The following CACNA1A variants were observed in gnomAD, a reference collection of about 807,000 sequenced individuals.
CACNA1A encodes the protein calcium voltage-gated channel subunit alpha1 A, also known as voltage-dependent P/Q-type calcium channel subunit alpha-1A.
CACNA1A carries 57 observed loss-of-function variants against 262.4 expected under a neutral mutation model. The observed-to-expected ratio is 0.22, with a 90% CI of 0.18 to 0.27. The LOEUF (loss-of-function observed/expected upper bound fraction) is 0.27, where lower values mean the gene tolerates loss of function less well. CACNA1A is among the 10% of genes least tolerant of loss of function. The pLI is 1.00. For missense variants in CACNA1A, 2,526 were observed against 3,562.8 expected (o/e 0.71, Z 7.41); for synonymous variants, 1,431 against 1,419.3 (o/e 1.01, Z -0.18).
intron 6 of CACNA1A, among the ~76,000 whole-genome samples, chr19:13,352,561 T>G (rs1046749897): frequency 6.6e-5 from 10 of 152,194 alleles, no homozygotes; most frequent in African/African-American, 2.2e-4. Context: ...TATTTGTACC[T>G]TTGAGATCAT....
chr19:13,439,108 A>ATTTT (rs939229748), intron 3 of CACNA1A, among the ~76,000 whole-genome samples: 1 of 137,208 alleles, frequency 7.3e-6, no homozygotes, highest in Non-Finnish European at 1.6e-5. Flanking sequence ...TTGTCCTCAA[A>ATTTT]TTTTTTTTTT....
At chr19:13,344,740 A>AT (rs1229280733) in intron 6 of CACNA1A, among the ~76,000 whole-genome samples, 6 of 8,780 alleles carry the variant, frequency 6.8e-4, no homozygotes, top group East Asian at 0.012. Context: ...CATTTATTTT[A>AT]TTTATTTATT....
intron 3 of CACNA1A, among the ~76,000 whole-genome samples, chr19:13,406,465 TTATA>T (rs61273249): frequency 0.06 from 1,872 of 31,364 alleles, 64 homozygotes; most frequent in Admixed American, 0.064. Context: ...AAAAAAAAAA[TTATA>T]TATATATATA....
chr19:13,342,969 G>A (rs2058700986), intron 6 of CACNA1A, among the ~76,000 whole-genome samples: 1 of 152,122 alleles, frequency 6.6e-6, no homozygotes. Flanking sequence ...TGCCCAGGCT[G>A]GTCTCGAACT....
chr19:13,408,174 A>G (rs1206734971), intron 3 of CACNA1A, among the ~76,000 whole-genome samples: 3 of 152,122 alleles, frequency 2.0e-5, no homozygotes, highest in African/African-American at 7.2e-5. Context: ...AAACGAATAC[A>G]CTGGGCAACA....
intron 3 of CACNA1A, among the ~76,000 whole-genome samples, chr19:13,389,192 C>T (rs989195779): frequency 2.0e-5 from 3 of 152,174 alleles, no homozygotes; most frequent in African/African-American, 2.4e-5. Flanking sequence ...CATGAGCCAC[C>T]GTGCCCGGCA....
intron 19 of CACNA1A, among the ~76,000 whole-genome samples, chr19:13,288,242 C>CTT (rs200201920): frequency 2.9e-4 from 39 of 134,224 alleles, no homozygotes; most frequent in African/African-American, 8.4e-4. Context: ...TTTCTTTTTT[C>CTT]TTTTTTTTTT....
chr19:13,323,617 G>A (rs1462798757), intron 10 of CACNA1A, among the ~76,000 whole-genome samples: 1 of 151,974 alleles, frequency 6.6e-6, no homozygotes, highest in African/African-American at 2.4e-5. Context: ...TTTTAATTGG[G>A]TTGTTTTCTT....
chr19:13,268,457 G>A (rs1289879351), intron 24 of CACNA1A, among the ~76,000 whole-genome samples: 1 of 148,964 alleles, frequency 6.7e-6, no homozygotes, highest in African/African-American at 2.5e-5. Flanking sequence ...TTTTTGAAAC[G>A]GAGTCTCGCT....
chr19:13,425,945 C>T (rs2060395174), intron 3 of CACNA1A, among the ~76,000 whole-genome samples: 1 of 152,184 alleles, frequency 6.6e-6, no homozygotes, highest in African/African-American at 2.4e-5. Context: ...GTAATCCCAG[C>T]TACTCAGGAG....
At chr19:13,232,320 C>T (rs2055695353) in intron 34 of CACNA1A, among the ~76,000 whole-genome samples, 1 of 151,804 alleles carries the variant, frequency 6.6e-6, no homozygotes, top group South Asian at 2.1e-4. Flanking sequence ...CCTCGGCCTC[C>T]TGAGTAGCTG....
intron 2 of CACNA1A, 35 bp from the exon 3 acceptor site, chr19:13,453,050 G>C (rs1353686282): frequency 6.2e-7 from 1 of 1,612,680 alleles, no homozygotes; most frequent in Non-Finnish European, 8.5e-7. Context: ...AGCGTCTTGG[G>C]CTGGGCAGAT....
At chr19:13,312,560 GTC>G in intron 12 of CACNA1A, 107 bp downstream of exon 12, 1 of 658,856 alleles carries the variant, frequency 1.5e-6, no homozygotes, top group Non-Finnish European at 2.6e-6. Context: ...ATCCATCTGA[GTC>G]TCTCATATTC....
chr19:13,270,097 A>G (rs1454489845), intron 24 of CACNA1A, among the ~76,000 whole-genome samples: 2 of 152,052 alleles, frequency 1.3e-5, no homozygotes, highest in East Asian at 3.9e-4. Flanking sequence ...GAGCCTCCGT[A>G]TTCAGGGCTG....
rs1568481302 is a variant in CACNA1A at position 13,271,211 on chromosome 19, G to GTTT, written c.3989+4638_3989+4639insAAA. The GTTT allele has an allele frequency of 1.7e-4, 18 of 106,264 alleles. 1 individual carries two copies. The highest frequency in any genetic ancestry group is 5.9e-4 in the African/African-American group (16 of 27,024). 6.6% of individuals were successfully genotyped at this position (106,264 alleles called of 1,614,324 possible). ...GTCAACTCCCCAAAAGAATCATTCTGCTGTTTTTTTTTTTTTTTTTTTTTT... is the reference window on the plus strand; with the variant it reads ...GTCAACTCCCCAAAAGAATCATTCTGTTTCTGTTTTTTTTTTTTTTTTTTTTTT... On this transcript the variant is annotated intron_variant, in intron 24 of 46. Transcript: ENST00000360228.
chr19:13,425,025 C>T lies in CACNA1A; in HGVS notation c.539+27851G>A, dbSNP rs1218340323. Among the ~76,000 whole-genome samples, 7 of 152,054 alleles carry T rather than the reference C, an allele frequency of 4.6e-5. No homozygotes were observed. In the East Asian group the frequency reaches 1.2e-3, roughly 25 times the overall value. The stretch of plus-strand genomic sequence containing the variant: ...TTTACCATGTTGGCCAGGCTGGTCT[C>T]GAACTCCTGACCTCATGATCCGCCC... On this transcript the variant is annotated intron_variant, in intron 3 of 46. Transcript: ENST00000360228.
intron 18 of CACNA1A, 26 bp downstream of exon 18, chr19:13,300,524 G>C: frequency 6.7e-7 from 1 of 1,494,540 alleles, no homozygotes; most frequent in Non-Finnish European, 9.3e-7. Context: ...AGCCAGGGTA[G>C]CATCCCAGGG....
rs533680362 is a variant in CACNA1A, at chr19:13,330,686, G to A, written c.1256-353C>T. Among the ~76,000 whole-genome samples the A allele has an allele frequency of 2.6e-5, 4 of 152,290 alleles. 1 individual carries two copies. Among genetic ancestry groups the A allele is most frequent in the African/African-American group, 9.6e-5 (4 of 41,572 alleles). The stretch of plus-strand genomic sequence containing the variant: ...GCTTACTGCAACCTCTGCCTCCTGA[G>A]TTCAAGCGATTCTCCTCCCTCAGCC... On this transcript the variant is annotated intron_variant, in intron 9 of 46. Coordinates refer to ENST00000360228, the MANE Select transcript of CACNA1A (RefSeq NM_001127222.2).
At chr19:13,505,245 TGC>T (rs940023118) in intron 1 of CACNA1A, among the ~76,000 whole-genome samples, 10 of 152,202 alleles carry the variant, frequency 6.6e-5, no homozygotes, top group African/African-American at 2.2e-4. Flanking sequence ...CAATGGGACC[TGC>T]ACACATGAGG....
Sources: gnomAD v4.1 joint callset for allele counts (sites outside exome capture counted in the v4.1 genomes callset) on GRCh38, gnomAD v4.1.1 for gene constraint, MANE v1.5 for transcripts, NCBI Gene and HGNC (gene_info 2026-07-23, HGNC 2026-07-21) for gene names.